Variants in TAOK2 observed in about 807,000 individuals in gnomAD.
TAOK2 encodes TAO kinase 2.
A neutral mutation model predicts 122.5 loss-of-function variants in TAOK2; 42 were observed. The observed-to-expected ratio is 0.34, with a 90% CI of 0.27 to 0.44. The LOEUF (loss-of-function observed/expected upper bound fraction) is 0.44, where lower values mean the gene tolerates loss of function less well. TAOK2 is among the 20% of genes least tolerant of loss of function. The pLI, the probability that TAOK2 is intolerant of heterozygous loss-of-function variation, is 1.00. For synonymous variants in TAOK2, 704 were observed against 677.6 expected (o/e 1.04, Z -0.61); for missense variants, 1,264 against 1,644.9 (o/e 0.77, Z 4.01).
rs1241626262 is a variant in TAOK2, at chr16:29,987,327, C to A, written c.3055C>A (p.Leu1019Ile). 2 of 1,528,942 alleles carry A rather than the reference C, an allele frequency of 1.3e-6. No homozygotes were observed. The highest frequency in any genetic ancestry group is 1.4e-5 in the African/African-American group (1 of 71,994). 94.7% of individuals were successfully genotyped at this position (1,528,942 alleles called of 1,614,324 possible). A position where few individuals can be genotyped will look rare whatever the true frequency, so the allele number is the denominator to read the frequency against. Residue 1019 changes from leucine (L) to isoleucine (I), a missense_variant, in exon 16 of 16, where the codon CTC becomes ATC. Physicochemically the swap from Leu to Ile is conservative, Grantham distance 5. Around this residue, in one of 4 missense-constraint regions of TAOK2, gnomAD observed 824 missense variants for 908.7 expected, o/e 0.91. Transcript: ENST00000308893. ...GCACCTGCCCTCCAGTCTTTTCCTA[C>A]TCCTGGCCCAGGGTACCGCACTGGG... ...ALHLPSSLFL[L>I]LAQGTALGAV...
rs888214680 is a variant in TAOK2 at position 29,986,224 on chromosome 16, A to G, written c.1993-41A>G. On this transcript the variant is annotated intron_variant, in intron 15 of 15. Transcript: ENST00000308893. This position sits in a 1 kb window ranked among gnomAD's most constrained non-coding sequence, Gnocchi z 4.2. Reference sequence around the variant, plus strand: ...GGAGCCCTGGCCTCTCACTTCCTTGATACTGACCAGGCCCCGGGCCCTGCA... The same window carrying G: ...GGAGCCCTGGCCTCTCACTTCCTTGGTACTGACCAGGCCCCGGGCCCTGCA... 4 of 1,507,702 alleles carry G rather than the reference A, an allele frequency of 2.7e-6. No individual in the cohort carries two copies. The African/African-American group carries it at 5.6e-5, about 21-fold the overall frequency. 93.4% of individuals were successfully genotyped at this position (1,507,702 alleles called of 1,614,324 possible).
At chr16:29,977,544 C>T (rs1196393161) in intron 1 of TAOK2, among the ~76,000 whole-genome samples, 194 bp from the exon 2 acceptor site, 2 of 152,154 alleles carry the variant, frequency 1.3e-5, no homozygotes, top group East Asian at 3.8e-4. Context: ...GGACCCAGCC[C>T]GCGTGATCTG....
chr16:29,984,818 A>G (rs566092440), intron 13 of TAOK2, among the ~76,000 whole-genome samples: 1 of 152,254 alleles, frequency 6.6e-6, no homozygotes, highest in Non-Finnish European at 1.5e-5. Context: ...CACAGCCCCT[A>G]TGAGGAGGTA....
rs898929706 is a variant in TAOK2, at chr16:29,982,853, C to T, written c.951C>T (p.Phe317=). The part of the protein sequence containing the change: ...LQYRKMKKIL[F]QEAPNGPGAE... The stretch of plus-strand genomic sequence containing the variant: ...ACCGCAAGATGAAGAAGATCCTGTT[C>T]CAAGAGGCACCCAACGGCCCTGGTG... Residue 317 remains phenylalanine (F), a synonymous_variant, in exon 11 of 16, where the codon TTC becomes TTT. Transcript: ENST00000308893. 4.2e-5 allele frequency: 67 copies of T among 1,613,960 alleles called. No individual in the cohort carries two copies. The highest frequency in any genetic ancestry group is 5.4e-5 in the Non-Finnish European group (64 of 1,179,988).
chr16:29,979,368 A>G lies in TAOK2; in HGVS notation c.564-49A>G. 1 of 1,609,400 alleles carries G rather than the reference A, an allele frequency of 6.2e-7. No homozygotes were observed. The highest frequency in any genetic ancestry group is 8.5e-7 in the Non-Finnish European group (1 of 1,176,374). On this transcript the variant is annotated intron_variant, in intron 7 of 15. Transcript: ENST00000308893. The surrounding 1 kb of genome is among the most constrained non-coding windows in gnomAD (Gnocchi z 4.1). ...CCCAGGGATGTTGGGAGTAGGAGTG[A>G]CAGGGTCTCGGCGGGTGATTTGCCT...
At position 29,983,231 on chromosome 16, in the gene TAOK2, G is replaced by A; in HGVS notation, c.1159G>A (p.Glu387Lys). Residue 387 changes from glutamate to lysine, a missense_variant, in exon 12 of 16, where the codon GAG becomes AAG. Glu to Lys is a moderately conservative substitution (Grantham distance 56). Transcript: ENST00000308893. The part of the protein sequence containing the change: ...NEEEEEEEEE[E>K]EEEEEGPEAR... Reference sequence around the variant, plus strand: ...GGAAGAGGAGGAGGAGGAGGAGGAAGAGGAGGAGGAGGAAGAAGGCCCTGA... The same window carrying A: ...GGAAGAGGAGGAGGAGGAGGAGGAAAAGGAGGAGGAGGAAGAAGGCCCTGA... 6.2e-7 allele frequency: 1 copy of A among 1,611,606 alleles called. No homozygotes were observed. Among genetic ancestry groups the A allele is most frequent in the Non-Finnish European group, 8.5e-7 (1 of 1,179,768 alleles).
At chr16:29,990,566 A>G (rs868427948), downstream of TAOK2, 18 of 401,590 alleles carry the variant, frequency 4.5e-5, no homozygotes, top group Middle Eastern at 6.3e-4. Flanking sequence ...TTTTGCTATC[A>G]CAACGCTTCC....
chr16:29,981,873 G>A lies in TAOK2; in HGVS notation c.764G>A (p.Arg255Gln), dbSNP rs778066032. Reference sequence around the variant, plus strand: ...GTGACTTTCAGGTCTGAGTACTTCCGGAATTTTGTCGACTCCTGTCTTCAG... The same window carrying A: ...GTGACTTTCAGGTCTGAGTACTTCCAGAATTTTGTCGACTCCTGTCTTCAG... ...LQSGHWSEYF[R>Q]NFVDSCLQKI... The change falls in exon 10 of 16, where the codon CGG becomes CAG. Residue 255 changes from arginine to glutamine, a missense_variant. Around this residue, in one of 4 missense-constraint regions of TAOK2, gnomAD observed 254 missense variants for 503.8 expected, o/e 0.50. Coordinates refer to ENST00000308893, the MANE Select transcript of TAOK2 (RefSeq NM_016151.4). 1.8e-5 allele frequency: 28 copies of A among 1,566,634 alleles called. No individual in the cohort carries two copies. Among genetic ancestry groups the A allele is most frequent in the Middle Eastern group, 1.7e-4 (1 of 5,850 alleles).
chr16:29,976,414 T>G (rs964438096), intron 1 of TAOK2, among the ~76,000 whole-genome samples: 9 of 152,314 alleles, frequency 5.9e-5, no homozygotes, highest in African/African-American at 2.2e-4. Flanking sequence ...CAGCTTCCAG[T>G]TGGGCTGAGA....
rs989660928 is a variant in TAOK2 at position 29,980,366 on chromosome 16, G to A, written c.655+858G>A. 3 of 152,268 alleles carry A rather than the reference G, an allele frequency of 2.0e-5. No homozygotes were observed. In the East Asian group the frequency reaches 5.8e-4, roughly 29 times the overall value. 9.4% of individuals were successfully genotyped at this position (152,268 alleles called of 1,614,324 possible). On this transcript the variant is annotated intron_variant, in intron 8 of 15. Transcript: ENST00000308893. ...TCCAGTCTCTTCTCCCTTCCAGTCT[G>A]TCTTAAGTACTGATGCCAGAGAGGT...
At chr16:29,982,926 C>T in intron 11 of TAOK2, 25 bp downstream of exon 11, 2 of 1,612,300 alleles carry the variant, frequency 1.2e-6, no homozygotes, top group South Asian at 1.1e-5. Flanking sequence ...CCTAACACCC[C>T]TCTTTATACC....
At position 29,986,482 on chromosome 16, in the gene TAOK2, G is replaced by A. The variant is rs1352088641; in HGVS notation, c.2210G>A (p.Arg737His). The change falls in exon 16 of 16, where the codon CGC (arginine) becomes CAC (histidine). Residue 737 changes from arginine (R) to histidine (H), a missense_variant. By Grantham distance (29) the Arg-to-His change is conservative. This residue lies in a region of TAOK2 where 824 missense variants were observed against 908.7 expected (regional missense o/e 0.91). Transcript: ENST00000308893. The surrounding 1 kb of genome is among the most constrained non-coding windows in gnomAD (Gnocchi z 4.2). ...CGGCAGAAGCATGCGGCCCAGGTTC[G>A]CCAGCAGCCCAAGAGCCTCAAAGTA... ...ELRQKHAAQV[R>H]QQPKSLKVRA... 3 of 1,604,252 alleles carry A rather than the reference G, an allele frequency of 1.9e-6. No individual in the cohort carries two copies. The highest frequency in any genetic ancestry group is 1.7e-6 in the Non-Finnish European group (2 of 1,174,966).
At chr16:29,990,862 G>A (rs950605332), downstream of TAOK2, 1 of 1,613,600 alleles carries the variant, frequency 6.2e-7, no homozygotes, top group Non-Finnish European at 8.5e-7. Context: ...GCTGCTCAAC[G>A]CTTACCAGAG....
At chr16:29,991,307 C>T (rs1343157192), downstream of TAOK2, 17 of 1,610,950 alleles carry the variant, frequency 1.1e-5, no homozygotes, top group Middle Eastern at 1.7e-4. This position sits in a 1 kb window ranked among gnomAD's most constrained non-coding sequence, Gnocchi z 5.6. Flanking sequence ...CAGGCATGCC[C>T]CCTCCAGCCT....
At chr16:29,988,614 G>T, downstream of TAOK2, 1 of 985,362 alleles carries the variant, frequency 1.0e-6, no homozygotes, top group Non-Finnish European at 1.2e-6. Context: ...GAACTTCACC[G>T]AACTTCTTGG....
At position 29,986,896 on chromosome 16, in the gene TAOK2, A is replaced by G. The variant is rs1443570802; in HGVS notation, c.2624A>G (p.Lys875Arg). 1.2e-6 allele frequency: 2 copies of G among 1,613,576 alleles called. No individual in the cohort carries two copies. The highest frequency in any genetic ancestry group is 1.7e-5 in the Admixed American group (1 of 60,016). ...GCTGGGACATGGAGCTTGTGGGGGA[A>G]GGAGGATGAGAGTCTTCTGGATGAG... ...EEAGTWSLWG[K>R]EDESLLDEEF... Residue 875 changes from lysine (K) to arginine (R), a missense_variant, in exon 16 of 16, where the codon AAG (lysine) becomes AGG (arginine). Transcript: ENST00000308893. The surrounding 1 kb of genome is among the most constrained non-coding windows in gnomAD (Gnocchi z 4.2).
chr16:29,978,239 C>G lies in TAOK2; in HGVS notation c.205-13C>G. The G allele has an allele frequency of 6.2e-7, 1 of 1,613,972 alleles. No homozygotes were observed. On this transcript the variant is annotated splice_polypyrimidine_tract_variant and intron_variant, in intron 3 of 15. Coordinates refer to ENST00000308893, the MANE Select transcript of TAOK2 (RefSeq NM_016151.4). ...TGCAAGCTGGGTAACCTCTGCCTACCCTGACCCCCTAGAAATGGCAAGACA... is the reference window on the plus strand; with the variant it reads ...TGCAAGCTGGGTAACCTCTGCCTACGCTGACCCCCTAGAAATGGCAAGACA...
intron 1 of TAOK2, among the ~76,000 whole-genome samples, chr16:29,976,129 G>T (rs974819430): frequency 1.3e-5 from 2 of 152,194 alleles, no homozygotes; most frequent in Admixed American, 6.5e-5. Flanking sequence ...GCACCCCTCC[G>T]TGTGGCCTAG....
rs1268801623 is a variant in TAOK2 at position 29,985,616 on chromosome 16, G to T, written c.1788+38G>T. ...TGCTTGGGGGCGGAGCCGATGGCGA[G>T]CCAGGTGGGTCCTGACCCTGCTTCC... On this transcript the variant is annotated intron_variant, in intron 14 of 15. Coordinates refer to ENST00000308893, the MANE Select transcript of TAOK2 (RefSeq NM_016151.4). This position sits in a 1 kb window ranked among gnomAD's most constrained non-coding sequence, Gnocchi z 6.9. The T allele has an allele frequency of 6.2e-7, 1 of 1,604,422 alleles. No individual in the cohort carries two copies. Among genetic ancestry groups the T allele is most frequent in the Non-Finnish European group, 8.5e-7 (1 of 1,173,046 alleles).
Sources: allele counts gnomAD v4.1 joint callset (sites outside exome capture counted in the v4.1 genomes callset), GRCh38; gene constraint gnomAD v4.1.1; regional missense constraint gnomAD v4.1.1; non-coding constraint Gnocchi (gnomAD v3.1); transcripts MANE v1.5; gene names NCBI Gene and HGNC (gene_info 2026-07-23, HGNC 2026-07-21).